ABLIM2: variants seen among roughly 807,000 people sequenced by gnomAD.
ABLIM2 encodes actin binding LIM protein family member 2.
In ABLIM2, 53 loss-of-function variants were observed where a neutral mutation model predicts 97.7. That is an observed-to-expected ratio of 0.54 (90% CI 0.44 to 0.68). The LOEUF is 0.68. Ranked by LOEUF, ABLIM2 falls within the 30% of genes least tolerant of loss-of-function variation. The probability of loss-of-function intolerance (pLI) is 0.00; values close to 1 mark genes in which losing one functional copy is unlikely to be tolerated. For missense variants in ABLIM2, 835 were observed against 867.2 expected (o/e 0.96, Z 0.47); for synonymous variants, 361 against 345.8 (o/e 1.04, Z -0.49).
chr4:8,133,244 C>T (rs1160538045), intron 1 of ABLIM2, among the ~76,000 whole-genome samples: 1 of 152,236 alleles, frequency 6.6e-6, no homozygotes, highest in Non-Finnish European at 1.5e-5. Flanking sequence ...CGCAATGACC[C>T]TACCACCAAG....
chr4:8,155,030 C>A lies in ABLIM2; in HGVS notation c.10+3650G>T, dbSNP rs1561651353. On this transcript the variant is annotated intron_variant, in intron 1 of 20. Transcript: ENST00000447017. The surrounding 1 kb of genome is among the most constrained non-coding windows in gnomAD (Gnocchi z 4.2). ...ATGAGAACAGTATGGGGGAAACCACCCCTGTGATTCAATTATCTCCACCTG... is the reference window on the plus strand; with the variant it reads ...ATGAGAACAGTATGGGGGAAACCACACCTGTGATTCAATTATCTCCACCTG... 2.6e-5 allele frequency among the ~76,000 whole-genome samples: 4 copies of A among 152,184 alleles called. No homozygotes were observed. The highest frequency in any genetic ancestry group is 5.9e-5 in the Non-Finnish European group (4 of 68,038).
chr4:8,077,256 C>T (rs534574571), intron 6 of ABLIM2, among the ~76,000 whole-genome samples: 38 of 152,324 alleles, frequency 2.5e-4, no homozygotes, highest in African/African-American at 8.7e-4. Flanking sequence ...CCCTGCCTCC[C>T]GGGCGACCCC....
chr4:8,040,034 C>T (rs567624213), intron 9 of ABLIM2, among the ~76,000 whole-genome samples: 57 of 152,286 alleles, frequency 3.7e-4, no homozygotes, highest in South Asian at 1.0e-3. Flanking sequence ...AGTCCCTGCC[C>T]GCCAAGCCCT....
At chr4:8,158,315 G>T (rs974975213) in intron 1 of ABLIM2, among the ~76,000 whole-genome samples, 1 of 152,212 alleles carries the variant, frequency 6.6e-6, no homozygotes, top group Admixed American at 6.5e-5. Context: ...GTCTGCTGGG[G>T]CCCCGGCCCT....
At chr4:8,151,072 T>G (rs963172141) in intron 1 of ABLIM2, among the ~76,000 whole-genome samples, 4 of 152,176 alleles carry the variant, frequency 2.6e-5, no homozygotes, top group African/African-American at 9.7e-5. Flanking sequence ...TCACCTGTAC[T>G]TTTTATGTGG....
chr4:8,086,627 G>A (rs369091885), intron 4 of ABLIM2, among the ~76,000 whole-genome samples: 11 of 152,228 alleles, frequency 7.2e-5, no homozygotes, highest in African/African-American at 2.4e-4. Context: ...TTACAGGCAT[G>A]AGCCACCACA....
At chr4:8,151,923 A>C (rs191098973) in intron 1 of ABLIM2, among the ~76,000 whole-genome samples, 235 of 152,108 alleles carry the variant, frequency 1.5e-3, no homozygotes, top group African/African-American at 5.3e-3. Flanking sequence ...ATGTGGTGAA[A>C]GTCCTTCTCA....
chr4:7,974,378 TCCACCCATCCAC>T (rs1459057597), intron 20 of ABLIM2, among the ~76,000 whole-genome samples: 3 of 135,630 alleles, frequency 2.2e-5, no homozygotes, highest in Non-Finnish European at 4.8e-5. Context: ...CATCCATCCA[TCCACCCATCCAC>T]CCATCCATCC....
intron 9 of ABLIM2, among the ~76,000 whole-genome samples, chr4:8,038,731 G>C (rs1225048007): frequency 2.0e-5 from 3 of 152,106 alleles, no homozygotes; most frequent in African/African-American, 7.2e-5. Flanking sequence ...TGGAGCCTGG[G>C]GCAGGGTTCA....
chr4:8,116,706 G>A (rs1039185525), intron 1 of ABLIM2, among the ~76,000 whole-genome samples: 3 of 152,182 alleles, frequency 2.0e-5, no homozygotes, highest in East Asian at 3.8e-4. Context: ...AATAAGGATT[G>A]GATATAGCAC....
intron 10 of ABLIM2, 60 bp from the exon 11 acceptor site, chr4:8,029,836 C>G: frequency 1.3e-6 from 2 of 1,530,768 alleles, no homozygotes; most frequent in South Asian, 1.2e-5. Context: ...ACCCCTTGTC[C>G]ACCCATCCCC....
chr4:7,983,291 G>C lies in ABLIM2; in HGVS notation c.1797C>G (p.Pro599=). ...CCAGTCTCGTCCGGTCCACGTCTTT[G>C]GGCAGTTTCACGCGAATTCGGTTTG... ...IVTNRIRVKL[P]KDVDRTRLER... The change falls in exon 20 of 21, where the codon CCC becomes CCG. Residue 599 remains proline (P), a synonymous_variant. Transcript: ENST00000447017. 6.2e-7 allele frequency: 1 copy of C among 1,612,344 alleles called. No individual in the cohort carries two copies. The highest frequency in any genetic ancestry group is 1.1e-5 in the South Asian group (1 of 90,296).
chr4:7,992,431 A>G lies in ABLIM2; in HGVS notation c.1680+435T>C, dbSNP rs903751106. On this transcript the variant is annotated intron_variant, in intron 17 of 20. Transcript: ENST00000447017. This position sits in a 1 kb window ranked among gnomAD's most constrained non-coding sequence, Gnocchi z 5.7. ...TATTTGGTGTCATCACGGTAACAGTAATAGCAGGGAAGGCCAGGGCATCCC... is the reference window on the plus strand; with the variant it reads ...TATTTGGTGTCATCACGGTAACAGTGATAGCAGGGAAGGCCAGGGCATCCC... Among the ~76,000 whole-genome samples, 4 of 152,230 alleles carry G rather than the reference A, an allele frequency of 2.6e-5. No individual in the cohort carries two copies. The highest frequency in any genetic ancestry group is 9.6e-5 in the African/African-American group (4 of 41,464).
chr4:8,121,075 CCAGAGCTGGCCT>C (rs2152868921), intron 1 of ABLIM2, among the ~76,000 whole-genome samples: 1 of 152,348 alleles, frequency 6.6e-6, no homozygotes, highest in East Asian at 1.9e-4. Flanking sequence ...GTGGGAAGAG[CCAGAGCTGGCCT>C]CAGAGCCCAG....
At chr4:7,983,920 A>C (rs1741149099) in intron 18 of ABLIM2, among the ~76,000 whole-genome samples, 1 of 152,264 alleles carries the variant, frequency 6.6e-6, no homozygotes, top group Admixed American at 6.5e-5. Context: ...GGAAACTTTT[A>C]GAGGGTGTTG....
At chr4:8,131,708 CCG>C (rs1273313236) in intron 1 of ABLIM2, among the ~76,000 whole-genome samples, 1 of 107,646 alleles carries the variant, frequency 9.3e-6, no homozygotes, top group East Asian at 2.7e-4. Context: ...GCACAGCAGC[CCG>C]CATCCCTGAG....
In ABLIM2 at chr4:7,965,641, G is replaced by A. The variant is rs987770405; in HGVS notation, c.*1349C>T. The A allele has an allele frequency of 1.3e-5, 2 of 152,166 alleles. No homozygotes were observed. The highest frequency in any genetic ancestry group is 2.9e-5 in the Non-Finnish European group (2 of 68,046). The allele number at this position is 152,166 out of a possible 1,614,324, so 9.4% of individuals were successfully genotyped here. A position where few individuals can be genotyped will look rare whatever the true frequency, so the allele number is the denominator to read the frequency against. On this transcript the variant is annotated 3_prime_UTR_variant, in exon 21 of 21. Coordinates refer to ENST00000447017, the MANE Select transcript of ABLIM2 (RefSeq NM_001130083.2). ...TTTGGTGTTTCATCCACCTCTCAGC[G>A]CGCTTATCAGCATCCTGTGACGGCC...
rs751204771 is a variant in ABLIM2 at position 8,045,194 on chromosome 4, G to T, written c.870C>A (p.Ser290Arg). 1.2e-6 allele frequency: 2 copies of T among 1,613,900 alleles called. No homozygotes were observed. Among genetic ancestry groups the T allele is most frequent in the Non-Finnish European group, 8.5e-7 (1 of 1,179,882 alleles). ...SESIISVPASSTSGSPSRVIY... is the reference protein window; with the variant it reads ...SESIISVPASRTSGSPSRVIY... ...TCACACGGCTCGGAGACCCTGAGGT[G>T]CTGGAAGCAGGGACAGAAATGATGC... Residue 290 changes from serine to arginine, a missense_variant, in exon 9 of 21, where the codon AGC (serine) becomes AGA (arginine). Coordinates refer to ENST00000447017, the MANE Select transcript of ABLIM2 (RefSeq NM_001130083.2).
rs1017815756 is a variant in ABLIM2 at position 8,061,735 on chromosome 4, T to C, written c.676-681A>G. Among the ~76,000 whole-genome samples the C allele has an allele frequency of 3.3e-5, 5 of 150,824 alleles. No homozygotes were observed. The highest frequency in any genetic ancestry group is 5.9e-5 in the Non-Finnish European group (4 of 67,582). On this transcript the variant is annotated intron_variant, in intron 6 of 20. Coordinates refer to ENST00000447017, the MANE Select transcript of ABLIM2 (RefSeq NM_001130083.2). The surrounding 1 kb of genome is among the most constrained non-coding windows in gnomAD (Gnocchi z 4.5). ...CTTCCTACCCTGAGGGCACGGCGGGTGCAGCCTATTGCTAAATGTGGATGC... is the reference window on the plus strand; with the variant it reads ...CTTCCTACCCTGAGGGCACGGCGGGCGCAGCCTATTGCTAAATGTGGATGC...
Sources: allele counts gnomAD v4.1 joint callset (sites outside exome capture counted in the v4.1 genomes callset), GRCh38; gene constraint gnomAD v4.1.1; non-coding constraint Gnocchi (gnomAD v3.1); transcripts MANE v1.5; gene names NCBI Gene and HGNC (gene_info 2026-07-23, HGNC 2026-07-21).